FARP1: variants seen among roughly 807,000 people sequenced by gnomAD.
FARP1 encodes FERM, ARH/RhoGEF and pleckstrin domain protein 1, also known as FERM, ARHGEF and pleckstrin domain-containing protein 1.
A neutral mutation model predicts 128.8 loss-of-function variants in FARP1; 52 were observed. The ratio of observed to expected loss-of-function variants is 0.40; its 90% CI spans 0.32 to 0.51. FARP1 has a LOEUF of 0.51. Ranked by LOEUF, FARP1 falls within the 20% of genes least tolerant of loss-of-function variation. FARP1 has a pLI of 0.45. For missense variants in FARP1, 1,333 were observed against 1,367.9 expected (o/e 0.97, Z 0.40); for synonymous variants, 580 against 551.8 (o/e 1.05, Z -0.72).
At chr13:98,386,592 C>T (rs662253) in intron 8 of FARP1, among the ~76,000 whole-genome samples, 4,007 of 152,214 alleles carry the variant, frequency 0.026, 189 homozygotes, top group African/African-American at 0.091. Flanking sequence ...ACAGAATGAA[C>T]GTATTCATCA....
intron 8 of FARP1, among the ~76,000 whole-genome samples, chr13:98,388,007 G>A (rs936843291): frequency 2.6e-5 from 4 of 152,186 alleles, no homozygotes; most frequent in Non-Finnish European, 5.9e-5. Context: ...TATCATATCA[G>A]GGTTGTTAAG....
In FARP1 at chr13:98,452,990, G is replaced by T; in HGVS notation, c.*4673G>T. The T allele has an allele frequency of 1.8e-6, 1 of 543,172 alleles. No homozygotes were observed. The highest frequency in any genetic ancestry group is 3.6e-5 in the Admixed American group (1 of 27,552). The allele number at this position is 543,172 out of a possible 1,614,324, so 33.6% of individuals were successfully genotyped here. The stretch of plus-strand genomic sequence containing the variant: ...GCTGACCCTCCCCACCCATCTGAGA[G>T]ACTTCATCTGGCTGCAGCACAGTGA... On this transcript the variant is annotated 3_prime_UTR_variant, in exon 27 of 27. Coordinates refer to ENST00000319562, the MANE Select transcript of FARP1 (RefSeq NM_005766.4).
chr13:98,398,556 C>G (rs957325872), intron 13 of FARP1: 2 of 152,112 alleles, frequency 1.3e-5, no homozygotes, highest in Non-Finnish European at 2.9e-5. Flanking sequence ...TTTGGAGAGT[C>G]ATATGAATTA....
At position 98,409,315 on chromosome 13, in the gene FARP1, TAAA is replaced by T; in HGVS notation, c.1415-21_1415-19del. 6.4e-7 allele frequency: 1 copy of T among 1,553,456 alleles called. No individual in the cohort carries two copies. Among genetic ancestry groups the T allele is most frequent in the Admixed American group, 2.0e-5 (1 of 49,416 alleles). On this transcript the variant is annotated intron_variant, in intron 13 of 26. Transcript: ENST00000319562. ...AGAAAAAAATTACTTTTTTTTTCTT[TAAA>T]ACTTCTCATCCCCAAACAGGCTCCC...
chr13:98,151,107 C>T (rs1322282857), intron 1 of FARP1, among the ~76,000 whole-genome samples: 2 of 150,940 alleles, frequency 1.3e-5, no homozygotes, highest in African/African-American at 4.8e-5. Flanking sequence ...CTTAGCGTCC[C>T]ACTCTGTCCC....
At chr13:98,250,610 A>G (rs541150855) in intron 2 of FARP1, among the ~76,000 whole-genome samples, 1 of 152,086 alleles carries the variant, frequency 6.6e-6, no homozygotes, top group Admixed American at 6.5e-5. Context: ...AATCCCAGCT[A>G]CTTGGGAGGC....
chr13:98,437,297 ATGATAC>A (rs968294233), intron 19 of FARP1, among the ~76,000 whole-genome samples: 9 of 152,132 alleles, frequency 5.9e-5, no homozygotes, highest in Non-Finnish European at 8.8e-5. Context: ...AATGGGAATA[ATGATAC>A]TGAAGGTGCA....
chr13:98,336,350 A>G (rs1452736154), intron 2 of FARP1, among the ~76,000 whole-genome samples: 1 of 152,012 alleles, frequency 6.6e-6, no homozygotes, highest in East Asian at 1.9e-4. Flanking sequence ...GGAGAGGTTG[A>G]TTGAACCCGG....
intron 2 of FARP1, among the ~76,000 whole-genome samples, chr13:98,275,696 A>G (rs1884624490): frequency 1.3e-5 from 2 of 150,654 alleles, no homozygotes; most frequent in South Asian, 4.2e-4. Flanking sequence ...GTTAGTATAT[A>G]AAATGTCCCA....
intron 8 of FARP1, among the ~76,000 whole-genome samples, chr13:98,386,989 G>A (rs1159375010): frequency 1.3e-5 from 2 of 152,158 alleles, no homozygotes; most frequent in East Asian, 1.9e-4. Flanking sequence ...TGCACGCATA[G>A]CCTCTGAGTA....
chr13:98,307,057 G>A (rs1021182956), intron 2 of FARP1, among the ~76,000 whole-genome samples: 1 of 152,174 alleles, frequency 6.6e-6, no homozygotes, highest in African/African-American at 2.4e-5. Context: ...GGCTAATTGT[G>A]GAGGGCTCAA....
intron 13 of FARP1, chr13:98,407,022 G>T (rs35746848): frequency 0.053 from 8,139 of 152,550 alleles, 296 homozygotes; most frequent in Non-Finnish European, 0.084. Context: ...CCTTGCCTCC[G>T]CTCCCCTTCC....
chr13:98,154,951 C>A (rs1216988681), intron 1 of FARP1, among the ~76,000 whole-genome samples: 1 of 152,150 alleles, frequency 6.6e-6, no homozygotes, highest in Non-Finnish European at 1.5e-5. Context: ...GTGGCACATA[C>A]CTGTAGTCTC....
In FARP1 at chr13:98,318,950, G is replaced by GTTTTT. The variant is rs56166470; in HGVS notation, c.172-24797_172-24793dup. Among the ~76,000 whole-genome samples the GTTTTT allele has an allele frequency of 5.9e-3, 706 of 120,468 alleles. 4 individuals carry two copies. Among genetic ancestry groups the GTTTTT allele is most frequent in the East Asian group, 9.1e-3 (35 of 3,864 alleles). The allele number at this position is 120,468 out of a possible 152,430, so 79.0% of individuals were successfully genotyped here. A position where few individuals can be genotyped will look rare whatever the true frequency, so the allele number is the denominator to read the frequency against. ...TTCCTTTGGAGCTTAGTTTTTTCTTGTTTTTTTTTTTTTTTTTTTGTTTGT... is the reference window on the plus strand; with the variant it reads ...TTCCTTTGGAGCTTAGTTTTTTCTTGTTTTTTTTTTTTTTTTTTTTTTTTGTTTGT... On this transcript the variant is annotated intron_variant, in intron 2 of 26. Transcript: ENST00000319562.
intron 2 of FARP1, among the ~76,000 whole-genome samples, chr13:98,278,888 C>T (rs112351421): frequency 0.019 from 2,923 of 152,038 alleles, 87 homozygotes; most frequent in African/African-American, 0.066. Flanking sequence ...TGCAGTGGTG[C>T]GATCTCGGCT....
intron 1 of FARP1, among the ~76,000 whole-genome samples, chr13:98,166,783 C>T (rs1877296972): frequency 6.7e-6 from 1 of 148,582 alleles, no homozygotes; most frequent in Non-Finnish European, 1.5e-5. Flanking sequence ...AGTGCAGTGT[C>T]GTGATCATGG....
chr13:98,413,074 T>G (rs555098449), intron 16 of FARP1, among the ~76,000 whole-genome samples: 2 of 152,086 alleles, frequency 1.3e-5, no homozygotes, highest in South Asian at 2.1e-4. Flanking sequence ...CAGAGCTGCT[T>G]TCTGTGTTGT....
chr13:98,160,956 G>A (rs1876841276), intron 1 of FARP1, among the ~76,000 whole-genome samples: 1 of 152,110 alleles, frequency 6.6e-6, no homozygotes, highest in African/African-American at 2.4e-5. Flanking sequence ...GGGAGTACAG[G>A]AGTGAGCCAC....
intron 2 of FARP1, 50 bp downstream of exon 2, chr13:98,213,463 T>C (rs758896382): frequency 6.3e-7 from 1 of 1,581,922 alleles, no homozygotes; most frequent in Admixed American, 1.7e-5. Context: ...GGGACAGCCT[T>C]TGGTGTGAGG....
Sources: allele counts gnomAD v4.1 joint callset (sites outside exome capture counted in the v4.1 genomes callset), GRCh38; gene constraint gnomAD v4.1.1; transcripts MANE v1.5; gene names NCBI Gene and HGNC (gene_info 2026-07-23, HGNC 2026-07-21).